GPBP1: variants seen among roughly 807,000 people sequenced by gnomAD.
GPBP1 encodes GC-rich promoter binding protein 1.
In GPBP1, 13 loss-of-function variants were observed where a neutral mutation model predicts 56.5. The ratio of observed to expected loss-of-function variants is 0.23; its 90% CI spans 0.15 to 0.37. The LOEUF (loss-of-function observed/expected upper bound fraction) is 0.37. GPBP1 is among the 10% of genes least tolerant of loss of function. GPBP1 has a pLI of 1.00. For synonymous variants in GPBP1, 204 were observed against 188.9 expected, an observed-to-expected ratio of 1.08 and a Z score of -0.66; for missense variants, 477 against 572.3, an observed-to-expected ratio of 0.83 and a Z score of 1.70.
At chr5:57,182,449 T>G (rs996376485) in intron 2 of GPBP1, among the ~76,000 whole-genome samples, 1 of 152,030 alleles carries the variant, frequency 6.6e-6, no homozygotes, top group Non-Finnish European at 1.5e-5. Flanking sequence ...CTCGGTTCAC[T>G]GCAACCTCCA....
At chr5:57,193,046 G>A (rs1027855322) in intron 2 of GPBP1, among the ~76,000 whole-genome samples, 5 of 152,172 alleles carry the variant, frequency 3.3e-5, no homozygotes, top group Non-Finnish European at 7.3e-5. Flanking sequence ...GCCGGGCACG[G>A]TGACTCATGT....
chr5:57,238,568 A>G (rs1364393471), intron 6 of GPBP1, among the ~76,000 whole-genome samples: 1 of 152,150 alleles, frequency 6.6e-6, no homozygotes, highest in Admixed American at 6.6e-5. Flanking sequence ...CAAAAAATAA[A>G]TAAATAAATA....
Position 57,263,014 on chromosome 5 carries a change from A to T in GPBP1, c.*262A>T. ...TCTTCATCACTGCAACATTTCTCTG[A>T]CTAGCAATGTGACGATGTAACAAAT... On this transcript the variant is annotated 3_prime_UTR_variant, in exon 12 of 12. Coordinates refer to ENST00000506184, the MANE Select transcript of GPBP1 (RefSeq NM_022913.4). 1 of 306,016 alleles carries T rather than the reference A, an allele frequency of 3.3e-6. No homozygotes were observed. Among genetic ancestry groups the T allele is most frequent in the Non-Finnish European group, 6.0e-6 (1 of 166,658 alleles). The allele number at this position is 306,016 out of a possible 1,614,324, so 19.0% of individuals were successfully genotyped here. A position where few individuals can be genotyped will look rare whatever the true frequency, so the allele number is the denominator to read the frequency against.
chr5:57,243,897 C>A (rs764511252), intron 6 of GPBP1, among the ~76,000 whole-genome samples: 1 of 151,938 alleles, frequency 6.6e-6, no homozygotes. Flanking sequence ...CTATATTGCC[C>A]AGGCTGGTCT....
chr5:57,205,498 T>C (rs747600681), intron 2 of GPBP1, among the ~76,000 whole-genome samples: 1 of 152,168 alleles, frequency 6.6e-6, no homozygotes, highest in Non-Finnish European at 1.5e-5. Flanking sequence ...GCCAAACTTC[T>C]ACAGTTGTTG....
chr5:57,176,709 C>T (rs1026715313), intron 2 of GPBP1, among the ~76,000 whole-genome samples: 8 of 152,160 alleles, frequency 5.3e-5, no homozygotes, highest in African/African-American at 1.7e-4. Context: ...GATTCATTCA[C>T]AGTGGTAGAA....
intron 3 of GPBP1, among the ~76,000 whole-genome samples, chr5:57,229,784 C>T (rs1756361774): frequency 6.6e-6 from 1 of 151,956 alleles, no homozygotes; most frequent in Non-Finnish European, 1.5e-5. Flanking sequence ...GGTGATCTGC[C>T]CACCTCAGTA....
rs58708281 is a variant in GPBP1 at position 57,177,648 on chromosome 5, CTTTTTTTTTTTTTTTTT to C, written c.-58+1262_-58+1278del. On this transcript the variant is annotated intron_variant, in intron 2 of 11. Transcript: ENST00000506184. ...GCCACCACGCTCGGCCAATTTTTGC[CTTTTTTTTTTTTTTTTT>C]TTTTTTTTTTTTTAGTAGAGACCTG... 6.8e-3 allele frequency among the ~76,000 whole-genome samples: 627 copies of C among 92,276 alleles called. 3 individuals carry two copies. Among genetic ancestry groups the C allele is most frequent in the African/African-American group, 0.028 (599 of 21,178 alleles). 60.5% of individuals were successfully genotyped at this position (92,276 alleles called of 152,430 possible).
chr5:57,204,489 C>T (rs375985495), intron 2 of GPBP1, among the ~76,000 whole-genome samples: 9 of 152,190 alleles, frequency 5.9e-5, no homozygotes, highest in East Asian at 1.9e-4. Context: ...TGGATTCGGG[C>T]GATACCCCGA....
intron 2 of GPBP1, among the ~76,000 whole-genome samples, chr5:57,198,492 G>C (rs1478231721): frequency 6.6e-6 from 1 of 151,834 alleles, no homozygotes; most frequent in African/African-American, 2.4e-5. Flanking sequence ...TGTGTAAATC[G>C]AGTATTTTTA....
Position 57,221,409 on chromosome 5 carries a change from G to A in GPBP1, c.63+7216G>A, listed in dbSNP as rs779749985. 9.4e-6 allele frequency: 14 copies of A among 1,491,336 alleles called. No homozygotes were observed. The South Asian group carries it at 1.3e-4, about 14-fold the overall frequency. 92.4% of individuals were successfully genotyped at this position (1,491,336 alleles called of 1,614,324 possible). A position where few individuals can be genotyped will look rare whatever the true frequency, so the allele number is the denominator to read the frequency against. On this transcript the variant is annotated intron_variant, in intron 3 of 11. Coordinates refer to ENST00000506184, the MANE Select transcript of GPBP1 (RefSeq NM_022913.4). ...CAGCAGTTTGAAAGTAAGTATTACTGAAAGAATATTGAACAGATATTGAAA... is the reference window on the plus strand; with the variant it reads ...CAGCAGTTTGAAAGTAAGTATTACTAAAAGAATATTGAACAGATATTGAAA...
In GPBP1 at chr5:57,224,080, G is replaced by T. The variant is rs576187583; in HGVS notation, c.64-6766G>T. Among the ~76,000 whole-genome samples, 11 of 151,476 alleles carry T rather than the reference G, an allele frequency of 7.3e-5. No individual in the cohort carries two copies. The South Asian group carries it at 2.1e-3, about 29-fold the overall frequency. On this transcript the variant is annotated intron_variant, in intron 3 of 11. Coordinates refer to ENST00000506184, the MANE Select transcript of GPBP1 (RefSeq NM_022913.4). ...GATCTCCTGACCTCATGATCCGCCC[G>T]CCTCGGCCTACCAAAGTGCTGGGAT...
chr5:57,261,978 C>A (rs559047865), intron 11 of GPBP1, among the ~76,000 whole-genome samples: 1 of 152,144 alleles, frequency 6.6e-6, no homozygotes, highest in Non-Finnish European at 1.5e-5. Flanking sequence ...AATTTCTGGG[C>A]TCAAGCAATA....
chr5:57,255,974 C>T (rs533699655), intron 10 of GPBP1, among the ~76,000 whole-genome samples: 88 of 151,930 alleles, frequency 5.8e-4, no homozygotes, highest in Middle Eastern at 3.4e-3. Context: ...TGAAAACATC[C>T]GGCTGGGGAC....
Position 57,175,764 on chromosome 5 carries a change from T to C in GPBP1, c.-694T>C. On this transcript the variant is annotated 5_prime_UTR_variant, in exon 2 of 12. Transcript: ENST00000506184. ...GTTGTTGGGGTTCTTCAGCCGAAAC[T>C]GAGAGACGTTGATTTGTGTACTGAG... is the stretch of plus-strand genomic sequence containing the variant. The C allele has an allele frequency of 2.5e-6, 1 of 396,668 alleles. No homozygotes were observed. The allele number at this position is 396,668 out of a possible 1,614,324, so 24.6% of individuals were successfully genotyped here. A position where few individuals can be genotyped will look rare whatever the true frequency, so the allele number is the denominator to read the frequency against.
intron 2 of GPBP1, among the ~76,000 whole-genome samples, chr5:57,179,142 C>G (rs1753927321): frequency 6.6e-6 from 1 of 152,132 alleles, no homozygotes. Context: ...AGCACTATGC[C>G]ATACTTACAC....
intron 2 of GPBP1, among the ~76,000 whole-genome samples, chr5:57,186,720 A>G (rs1040889158): frequency 4.6e-5 from 7 of 152,106 alleles, no homozygotes; most frequent in Non-Finnish European, 7.4e-5. Context: ...GGTATGTGCC[A>G]CCACACCTGG....
At chr5:57,217,936 ATTTCT>A (rs1006633917) in intron 3 of GPBP1, among the ~76,000 whole-genome samples, 15 of 152,054 alleles carry the variant, frequency 9.9e-5, no homozygotes, top group African/African-American at 3.1e-4. Context: ...ATACTAGTTA[ATTTCT>A]TTTCACTTAT....
In GPBP1 at chr5:57,214,188, A is replaced by G. The variant is rs1242047079; in HGVS notation, c.58A>G (p.Thr20Ala). ...TAATTTCCCTACTCCACCATCATCA[A>G]CAAAGGTACTCTTTCTGCATCTTTC... is the stretch of plus-strand genomic sequence containing the variant. The part of the protein sequence containing the change: ...WLNFPTPPSS[T>A]KSSLNFEKHS... The change falls in exon 3 of 12, where the codon ACA (threonine) becomes GCA (alanine). Residue 20 changes from threonine (T) to alanine (A), a missense_variant. This residue lies in a region of GPBP1 where 414 missense variants were observed against 458.2 expected (regional missense o/e 0.90). Coordinates refer to ENST00000506184, the MANE Select transcript of GPBP1 (RefSeq NM_022913.4). 6.2e-7 allele frequency: 1 copy of G among 1,611,304 alleles called. No homozygotes were observed. The highest frequency in any genetic ancestry group is 1.3e-5 in the African/African-American group (1 of 74,970).
Sources: gnomAD v4.1 joint callset for allele counts (sites outside exome capture counted in the v4.1 genomes callset) on GRCh38, gnomAD v4.1.1 for gene constraint, gnomAD v4.1.1 regional missense constraint, MANE v1.5 for transcripts, NCBI Gene and HGNC (gene_info 2026-07-23, HGNC 2026-07-21) for gene names.